Variants in ZGRF1 observed in about 807,000 individuals in gnomAD.
ZGRF1 encodes the protein 5'-3' DNA helicase ZGRF1.
Under a neutral mutation model 203.5 loss-of-function variants are expected in ZGRF1, and 196 were observed. The observed-to-expected ratio is 0.96, with a 90% CI of 0.86 to 1.08. The LOEUF (loss-of-function observed/expected upper bound fraction) is 1.08. ZGRF1 is among the 50% of genes least tolerant of loss of function. ZGRF1 has a pLI of 0.00. For synonymous variants in ZGRF1, 809 were observed against 841.3 expected, an observed-to-expected ratio of 0.96 and a Z score of 0.66; for missense variants, 2,326 against 2,416.3, an observed-to-expected ratio of 0.96 and a Z score of 0.78.
chr4:112,591,701 T>C (rs1748188300), intron 10 of ZGRF1, among the ~76,000 whole-genome samples: 1 of 152,144 alleles, frequency 6.6e-6, no homozygotes, highest in Non-Finnish European at 1.5e-5. Context: ...GGAATGCCTT[T>C]CCCCTAGATA....
chr4:112,605,793 A>G (rs1750681554), intron 9 of ZGRF1: 1 of 508,454 alleles, frequency 2.0e-6, no homozygotes, highest in South Asian at 2.2e-5. Flanking sequence ...AAACACTGTT[A>G]TTATTAGCTC....
intron 24 of ZGRF1, among the ~76,000 whole-genome samples, chr4:112,546,070 A>ATAATAATAATAAT (rs1233870314): frequency 2.6e-5 from 1 of 39,068 alleles, no homozygotes; most frequent in Admixed American, 3.2e-4. Flanking sequence ...ATGTACTTTA[A>ATAATAATAATAAT]AGTAATAATA....
At chr4:112,625,695 G>A (rs1324747750) in intron 3 of ZGRF1, among the ~76,000 whole-genome samples, 9 of 151,586 alleles carry the variant, frequency 5.9e-5, no homozygotes, top group Middle Eastern at 3.4e-3. Context: ...TCAGGAGTTC[G>A]AGACCAGCCT....
At chr4:112,547,637 G>T (rs987023308) in intron 23 of ZGRF1, among the ~76,000 whole-genome samples, 7 of 152,082 alleles carry the variant, frequency 4.6e-5, no homozygotes, top group African/African-American at 1.7e-4. Flanking sequence ...AAACCTAGTA[G>T]GTGCCCCTTG....
intron 3 of ZGRF1, among the ~76,000 whole-genome samples, chr4:112,625,068 ATC>A (rs1264989558): frequency 2.0e-5 from 3 of 152,204 alleles, no homozygotes; most frequent in African/African-American, 7.2e-5. Flanking sequence ...TGCAAGGATT[ATC>A]TGAGACCAGA....
In ZGRF1 at chr4:112,548,189, C is replaced by T. The variant is rs748138603; in HGVS notation, c.5474+64G>A. ...CTCCTAGACTCAAGCAATCCACCTG[C>T]CTCAGCCTCCTAAAGTGCTAGGATT... On this transcript the variant is annotated intron_variant, in intron 23 of 27. Coordinates refer to ENST00000505019, the MANE Select transcript of ZGRF1 (RefSeq NM_018392.5). 348 of 1,466,004 alleles carry T rather than the reference C, an allele frequency of 2.4e-4. 1 individual carries two copies. The highest frequency in any genetic ancestry group is 1.5e-4 in the Non-Finnish European group (165 of 1,078,138). The allele number at this position is 1,466,004 out of a possible 1,614,324, so 90.8% of individuals were successfully genotyped here.
chr4:112,554,720 G>T lies in ZGRF1; in HGVS notation c.5183C>A (p.Pro1728Gln), dbSNP rs769688560. The change falls in exon 21 of 28, where the codon CCA becomes CAA. Residue 1728 changes from proline to glutamine, a missense_variant. By Grantham distance (76) the Pro-to-Gln change is moderately conservative. Transcript: ENST00000505019. ...GCATTCTTACCTATAAGGTAAAATT[G>T]GTTTGGCAATCTTCCTAACACTCCC... ...RVGSVRKIAK[P>Q]ILPYSLHAGS... 1 of 1,533,226 alleles carries T rather than the reference G, an allele frequency of 6.5e-7. No homozygotes were observed. Among genetic ancestry groups the T allele is most frequent in the South Asian group, 1.2e-5 (1 of 83,512 alleles). The allele number at this position is 1,533,226 out of a possible 1,614,324, so 95.0% of individuals were successfully genotyped here. A position where few individuals can be genotyped will look rare whatever the true frequency, so the allele number is the denominator to read the frequency against.
intron 3 of ZGRF1, among the ~76,000 whole-genome samples, chr4:112,627,824 C>T (rs1578493365): frequency 6.6e-6 from 1 of 152,316 alleles, no homozygotes; most frequent in East Asian, 1.9e-4. Context: ...GCTGAGCATA[C>T]AAAATTCTTC....
intron 16 of ZGRF1, among the ~76,000 whole-genome samples, chr4:112,573,019 T>G (rs1744466736): frequency 6.6e-6 from 1 of 152,116 alleles, no homozygotes; most frequent in Non-Finnish European, 1.5e-5. Context: ...GAACTACCAT[T>G]TGATCCAACA....
chr4:112,581,272 C>G (rs1482988396), intron 16 of ZGRF1, among the ~76,000 whole-genome samples: 1 of 104,116 alleles, frequency 9.6e-6, no homozygotes, highest in Non-Finnish European at 1.8e-5. Context: ...ACACTGGGGC[C>G]TGTTGTGGGG....
intron 16 of ZGRF1, chr4:112,565,314 C>A: frequency 5.5e-6 from 8 of 1,451,546 alleles, no homozygotes; most frequent in Non-Finnish European, 7.7e-6. Context: ...AAGACACCAA[C>A]CTGTGTGCTA....
chr4:112,550,632 C>T (rs944880910), intron 22 of ZGRF1, among the ~76,000 whole-genome samples: 8 of 152,092 alleles, frequency 5.3e-5, no homozygotes, highest in Admixed American at 4.6e-4. Flanking sequence ...GCAGGCGGAT[C>T]GCTTAAGGTC....
chr4:112,547,442 T>C (rs1222519508), intron 23 of ZGRF1, 34 bp from the exon 24 acceptor site: 1 of 1,578,350 alleles, frequency 6.3e-7, no homozygotes, highest in South Asian at 1.2e-5. Context: ...ATCTAAGCAA[T>C]TAAAATGGGT....
In ZGRF1 at chr4:112,623,838, A is replaced by C; in HGVS notation, c.141T>G (p.Ser47Arg). Reference sequence around the variant, plus strand: ...ATACCTCAAGGCATTTAAGAAACAGACTCTCCAAACATGCTCCTTTGTCAT... The same window carrying C: ...ATACCTCAAGGCATTTAAGAAACAGCCTCTCCAAACATGCTCCTTTGTCAT... ...LYDDKGACLE[S>R]LFLKCLEVKP... The change falls in exon 4 of 28, where the codon AGT (serine) becomes AGG (arginine). Residue 47 changes from serine (S) to arginine (R), a missense_variant. Transcript: ENST00000505019. 2 of 1,583,662 alleles carry C rather than the reference A, an allele frequency of 1.3e-6. No homozygotes were observed. Among genetic ancestry groups the C allele is most frequent in the Non-Finnish European group, 1.7e-6 (2 of 1,157,726 alleles).
chr4:112,625,185 A>C (rs1025174458), intron 3 of ZGRF1, among the ~76,000 whole-genome samples: 5 of 152,190 alleles, frequency 3.3e-5, no homozygotes, highest in Non-Finnish European at 5.9e-5. Context: ...ACTACTTCGG[A>C]AGCTAAGGCG....
intron 4 of ZGRF1, 89 bp from the exon 5 acceptor site, chr4:112,620,279 G>C: frequency 1.1e-6 from 1 of 892,092 alleles, no homozygotes; most frequent in South Asian, 2.1e-5. Context: ...GACACAATGG[G>C]TGTTCAATAA....
chr4:112,618,992 C>G lies in ZGRF1; in HGVS notation c.1050G>C (p.Arg350Ser). Residue 350 changes from arginine to serine, a missense_variant, in exon 6 of 28, where the codon AGG becomes AGC. Transcript: ENST00000505019. Reference protein sequence around the residue: ...SSTVDGNDTERKPKAQEDDVN... With the variant: ...SSTVDGNDTESKPKAQEDDVN... Reference sequence around the variant, plus strand: ...CATCATCTTCCTGGGCCTTGGGTTTCCTTTCTGTATCATTCCCATCTACAG... The same window carrying G: ...CATCATCTTCCTGGGCCTTGGGTTTGCTTTCTGTATCATTCCCATCTACAG... The G allele has an allele frequency of 6.2e-7, 1 of 1,613,640 alleles. No individual in the cohort carries two copies. The highest frequency in any genetic ancestry group is 8.5e-7 in the Non-Finnish European group (1 of 1,179,838).
intron 16 of ZGRF1, among the ~76,000 whole-genome samples, chr4:112,570,975 G>A (rs1234423218): frequency 1.3e-5 from 2 of 151,956 alleles, no homozygotes; most frequent in East Asian, 1.9e-4. Flanking sequence ...GTGGTGGTAG[G>A]TGCCTGTAGT....
At chr4:112,555,770 A>G (rs1037625489) in intron 20 of ZGRF1, among the ~76,000 whole-genome samples, 1 of 152,214 alleles carries the variant, frequency 6.6e-6, no homozygotes, top group Non-Finnish European at 1.5e-5. Context: ...AGTGTGAAGA[A>G]ATGTACGAAA....
Sources: gnomAD v4.1 joint callset for allele counts (sites outside exome capture counted in the v4.1 genomes callset) on GRCh38, gnomAD v4.1.1 for gene constraint, MANE v1.5 for transcripts, NCBI Gene and HGNC (gene_info 2026-07-23, HGNC 2026-07-21) for gene names.